Variants in GRIK2 observed in about 807,000 individuals in gnomAD.
The protein encoded by GRIK2 is glutamate ionotropic receptor kainate type subunit 2, also known as glutamate receptor ionotropic, kainate 2.
Under a neutral mutation model 100.3 loss-of-function variants are expected in GRIK2, and 32 were observed. The observed-to-expected ratio is 0.32, with a 90% CI of 0.24 to 0.43. The LOEUF is 0.43. Ranked by LOEUF, GRIK2 falls within the 20% of genes least tolerant of loss-of-function variation. The pLI, the probability that GRIK2 is intolerant of heterozygous loss-of-function variation, is 1.00. For missense variants in GRIK2, 843 were observed against 1,114.9 expected, an observed-to-expected ratio of 0.76 and a Z score of 3.47; for synonymous variants, 417 against 389.4, an observed-to-expected ratio of 1.07 and a Z score of -0.83.
chr6:102,019,734 G>C (rs913215841), intron 14 of GRIK2, among the ~76,000 whole-genome samples: 5 of 151,950 alleles, frequency 3.3e-5, no homozygotes, highest in Admixed American at 1.3e-4. Context: ...ATCACAGCAA[G>C]AGCATTGCTC....
At chr6:101,991,815 C>T (rs1794391523) in intron 14 of GRIK2, among the ~76,000 whole-genome samples, 1 of 151,426 alleles carries the variant, frequency 6.6e-6, no homozygotes, top group African/African-American at 2.4e-5. Flanking sequence ...ATTAAAAGTT[C>T]TATGTTTTCC....
chr6:101,945,048 G>T (rs965509494), intron 14 of GRIK2, among the ~76,000 whole-genome samples: 2 of 152,052 alleles, frequency 1.3e-5, no homozygotes, highest in Admixed American at 1.3e-4. Flanking sequence ...AAAAAGTTAA[G>T]AAAGATGAAC....
Position 101,620,183 on chromosome 6 carries a change from C to T in GRIK2, c.116-1766C>T, listed in dbSNP as rs1780087623. On this transcript the variant is annotated intron_variant, in intron 2 of 16. Coordinates refer to ENST00000369134, the MANE Select transcript of GRIK2 (RefSeq NM_021956.5). Reference sequence around the variant, plus strand: ...ATCCAGAATGTTAAACCCGGTCTAGCTCCAAATAAATGTTATATATAAGGG... The same window carrying T: ...ATCCAGAATGTTAAACCCGGTCTAGTTCCAAATAAATGTTATATATAAGGG... The T allele has an allele frequency of 1.2e-5, 10 of 807,076 alleles. No individual in the cohort carries two copies. The South Asian group carries it at 5.7e-4, about 46-fold the overall frequency. 50.0% of individuals were successfully genotyped at this position (807,076 alleles called of 1,614,324 possible).
intron 2 of GRIK2, among the ~76,000 whole-genome samples, chr6:101,584,534 T>C (rs1778258950): frequency 6.6e-6 from 1 of 151,976 alleles, no homozygotes; most frequent in Non-Finnish European, 1.5e-5. Context: ...GTAAGAAATA[T>C]GAATATAGGA....
chr6:101,599,391 G>A (rs982750382), intron 2 of GRIK2, among the ~76,000 whole-genome samples: 1 of 151,780 alleles, frequency 6.6e-6, no homozygotes, highest in African/African-American at 2.4e-5. Context: ...GAGTACATGT[G>A]TCTTCATGGT....
intron 2 of GRIK2, among the ~76,000 whole-genome samples, chr6:101,596,618 T>G (rs939828514): frequency 1.1e-4 from 17 of 151,758 alleles, no homozygotes; most frequent in African/African-American, 3.9e-4. Flanking sequence ...TAGATTTAGA[T>G]TAGAGTTAAT....
chr6:101,635,951 C>G (rs1257391524), intron 4 of GRIK2, among the ~76,000 whole-genome samples: 1 of 152,100 alleles, frequency 6.6e-6, no homozygotes, highest in African/African-American at 2.4e-5. Flanking sequence ...GGTGATTCCT[C>G]AAGGATCTAG....
chr6:101,462,964 G>T (rs1203965718), intron 2 of GRIK2, among the ~76,000 whole-genome samples: 1 of 152,110 alleles, frequency 6.6e-6, no homozygotes, highest in Non-Finnish European at 1.5e-5. Context: ...GTAAGGAAGA[G>T]ATATAATGTT....
intron 11 of GRIK2, among the ~76,000 whole-genome samples, chr6:101,881,789 G>T (rs1296596253): frequency 1.3e-5 from 2 of 152,000 alleles, no homozygotes; most frequent in African/African-American, 4.8e-5. Context: ...GGATTTTAAG[G>T]CTGCAATGAG....
rs563819695 is a variant in GRIK2, at chr6:101,768,480, C to T, written c.952-31168C>T. The stretch of plus-strand genomic sequence containing the variant: ...GTCTGGTGAGCAAATTATGGTTTCT[C>T]TCACCTAGAAATGTTATGGATTCTC... On this transcript the variant is annotated intron_variant, in intron 7 of 16. Transcript: ENST00000369134. 1.2e-4 allele frequency among the ~76,000 whole-genome samples: 19 copies of T among 152,260 alleles called. 1 individual carries two copies. The highest frequency in any genetic ancestry group is 2.9e-4 in the African/African-American group (12 of 41,564).
intron 10 of GRIK2, among the ~76,000 whole-genome samples, chr6:101,822,195 T>C (rs1025972461): frequency 7.4e-5 from 10 of 135,306 alleles, no homozygotes; most frequent in African/African-American, 2.8e-4. Flanking sequence ...CAGGAATTCA[T>C]ATGGAGAGTT....
intron 2 of GRIK2, among the ~76,000 whole-genome samples, chr6:101,539,325 C>G (rs1378784660): frequency 6.6e-6 from 1 of 151,522 alleles, no homozygotes; most frequent in African/African-American, 2.4e-5. Context: ...TAGGAATATC[C>G]AACAAATATA....
At chr6:101,574,117 A>G (rs1390712149) in intron 2 of GRIK2, among the ~76,000 whole-genome samples, 1 of 151,204 alleles carries the variant, frequency 6.6e-6, no homozygotes, top group Non-Finnish European at 1.5e-5. Flanking sequence ...ATATTTCATG[A>G]TACATAAAAT....
At chr6:101,960,203 T>A (rs945349530) in intron 14 of GRIK2, among the ~76,000 whole-genome samples, 2 of 147,028 alleles carry the variant, frequency 1.4e-5, no homozygotes, top group African/African-American at 2.7e-5. Flanking sequence ...TCTGTTTTTT[T>A]AAAAATTATC....
chr6:101,892,684 G>T (rs2791847), intron 12 of GRIK2, among the ~76,000 whole-genome samples: 17,513 of 151,736 alleles, frequency 0.12, 1,083 homozygotes, highest in Middle Eastern at 0.18. Context: ...CATCATTTAT[G>T]GGTGAATTAA....
At chr6:102,052,625 G>A (rs979676468) in intron 15 of GRIK2, among the ~76,000 whole-genome samples, 1 of 152,136 alleles carries the variant, frequency 6.6e-6, no homozygotes, top group African/African-American at 2.4e-5. Flanking sequence ...TGCAGTTGGT[G>A]CATATAGTGA....
rs114604775 is a variant in GRIK2 at position 102,042,400 on chromosome 6, G to A, written c.2311+6834G>A. ...TCTTTCTTTTTTAGAAGAAAGATAA[G>A]GAAAAACAAATTTGACATAAAATAG... On this transcript the variant is annotated intron_variant, in intron 15 of 16. Transcript: ENST00000369134. Among the ~76,000 whole-genome samples, 381 of 151,442 alleles carry A rather than the reference G, an allele frequency of 2.5e-3. 4 individuals are homozygous for A. Among genetic ancestry groups the A allele is most frequent in the African/African-American group, 9.1e-3 (375 of 41,406 alleles).
At chr6:101,914,887 T>C (rs927645859) in intron 12 of GRIK2, among the ~76,000 whole-genome samples, 5 of 151,600 alleles carry the variant, frequency 3.3e-5, no homozygotes, top group Non-Finnish European at 7.4e-5. Flanking sequence ...TCTAAATGTT[T>C]TATTACTTTC....
chr6:101,481,504 T>C (rs1772527117), intron 2 of GRIK2, among the ~76,000 whole-genome samples: 2 of 152,172 alleles, frequency 1.3e-5, no homozygotes, highest in Non-Finnish European at 2.9e-5. Context: ...AACTATGCTT[T>C]ACTATGATTT....
Sources: gnomAD v4.1 joint callset for allele counts (sites outside exome capture counted in the v4.1 genomes callset) on GRCh38, gnomAD v4.1.1 for gene constraint, MANE v1.5 for transcripts, NCBI Gene and HGNC (gene_info 2026-07-23, HGNC 2026-07-21) for gene names.